The following PRKN variants were observed in gnomAD, a reference collection of about 807,000 sequenced individuals.
PRKN encodes the protein parkin RBR E3 ubiquitin protein ligase.
In PRKN, 56 loss-of-function variants were observed where a neutral mutation model predicts 59.5. The ratio of observed to expected loss-of-function variants is 0.94; its 90% CI spans 0.76 to 1.18. PRKN has a LOEUF of 1.18. Among genes scored for constraint, PRKN ranks in the 50% most tolerant of loss-of-function variants. The probability of loss-of-function intolerance (pLI) is 0.00; values close to 1 mark genes in which losing one functional copy is unlikely to be tolerated. For synonymous variants in PRKN, 250 were observed against 222.1 expected, an observed-to-expected ratio of 1.13 and a Z score of -1.12; for missense variants, 657 against 596.4, an observed-to-expected ratio of 1.10 and a Z score of -1.06.
chr6:161,927,280 T>TTCG (rs1338827794), intron 6 of PRKN, among the ~76,000 whole-genome samples: 1 of 152,182 alleles, frequency 6.6e-6, no homozygotes, highest in African/African-American at 2.4e-5. Flanking sequence ...TCTGAAGAAC[T>TTCG]ACGAAGGAGC....
chr6:162,491,896 G>A (rs1792833437), intron 1 of PRKN, among the ~76,000 whole-genome samples: 1 of 152,150 alleles, frequency 6.6e-6, no homozygotes, highest in Admixed American at 6.5e-5. Flanking sequence ...GAAATAAACT[G>A]CTGCTGAGAA....
chr6:162,117,197 T>C (rs977039199), intron 4 of PRKN, among the ~76,000 whole-genome samples: 2 of 152,188 alleles, frequency 1.3e-5, no homozygotes, highest in Admixed American at 1.3e-4. Context: ...TTAAAATAGA[T>C]AATGAAGAAT....
intron 1 of PRKN, among the ~76,000 whole-genome samples, chr6:162,616,503 A>C (rs908079625): frequency 1.3e-5 from 2 of 152,150 alleles, no homozygotes; most frequent in Non-Finnish European, 2.9e-5. Context: ...GTAAGCATAT[A>C]ATTGTTGCAT....
chr6:161,534,485 G>A (rs925277097), intron 9 of PRKN, among the ~76,000 whole-genome samples: 1 of 152,186 alleles, frequency 6.6e-6, no homozygotes, highest in African/African-American at 2.4e-5. Context: ...TCCACGTGTG[G>A]GCAAGTGGTA....
intron 1 of PRKN, among the ~76,000 whole-genome samples, chr6:162,461,270 G>A (rs1326562329): frequency 6.6e-6 from 1 of 151,792 alleles, no homozygotes; most frequent in African/African-American, 2.4e-5. Context: ...AGGAGGCCGA[G>A]GCGGGAGGAT....
At chr6:161,895,740 CTCTTTTT>C (rs1777602825) in intron 6 of PRKN, among the ~76,000 whole-genome samples, 2 of 151,632 alleles carry the variant, frequency 1.3e-5, no homozygotes, top group East Asian at 2.0e-4. Context: ...TGCCGTTATG[CTCTTTTT>C]CACCCGTAGT....
At chr6:161,689,185 TACACACACAC>T (rs34193135) in intron 7 of PRKN, among the ~76,000 whole-genome samples, 3,842 of 144,260 alleles carry the variant, frequency 0.027, 116 homozygotes, top group African/African-American at 0.07. Flanking sequence ...AATTAAATTG[TACACACACAC>T]ACACACACAC....
At chr6:162,149,610 T>C (rs1206631262) in intron 4 of PRKN, among the ~76,000 whole-genome samples, 1 of 152,116 alleles carries the variant, frequency 6.6e-6, no homozygotes, top group Non-Finnish European at 1.5e-5. Context: ...CATCCTGTAC[T>C]GTTAAGAGCA....
intron 7 of PRKN, among the ~76,000 whole-genome samples, chr6:161,641,731 T>A (rs939333603): frequency 3.9e-5 from 6 of 152,224 alleles, no homozygotes; most frequent in Non-Finnish European, 8.8e-5. Flanking sequence ...ATATTTTGCA[T>A]CATATTCAGA....
intron 3 of PRKN, among the ~76,000 whole-genome samples, chr6:162,222,415 G>A (rs777176645): frequency 2.0e-5 from 3 of 152,134 alleles, no homozygotes; most frequent in Non-Finnish European, 2.9e-5. Context: ...GCTTCCGACC[G>A]CTTTGAAGAT....
At chr6:162,181,274 A>G (rs1783793262) in intron 4 of PRKN, among the ~76,000 whole-genome samples, 1 of 152,238 alleles carries the variant, frequency 6.6e-6, no homozygotes, top group Non-Finnish European at 1.5e-5. Flanking sequence ...AGGAAAGGGA[A>G]GTGGGATTAA....
At chr6:161,812,690 TC>T (rs112837837) in intron 6 of PRKN, among the ~76,000 whole-genome samples, 8 of 152,296 alleles carry the variant, frequency 5.3e-5, no homozygotes, top group African/African-American at 1.9e-4. Context: ...TAAGATATTA[TC>T]ATGCACCTAC....
chr6:162,130,675 T>C (rs989707116), intron 4 of PRKN, among the ~76,000 whole-genome samples: 1 of 152,200 alleles, frequency 6.6e-6, no homozygotes, highest in Non-Finnish European at 1.5e-5. Context: ...CTATCCATCA[T>C]ACAGGAAGCT....
At chr6:161,961,695 GAAACGCA>G (rs1780385360) in intron 6 of PRKN, among the ~76,000 whole-genome samples, 1 of 152,162 alleles carries the variant, frequency 6.6e-6, no homozygotes, top group Non-Finnish European at 1.5e-5. Context: ...GGCTTGATCA[GAAACGCA>G]AGGTTTTATC....
chr6:162,569,516 A>G (rs916158948), intron 1 of PRKN: 4 of 704,784 alleles, frequency 5.7e-6, no homozygotes, highest in Non-Finnish European at 1.1e-5. Context: ...TATCCATACA[A>G]AGACCACCAG....
chr6:162,158,761 C>T (rs993987493), intron 4 of PRKN, among the ~76,000 whole-genome samples: 9 of 151,920 alleles, frequency 5.9e-5, no homozygotes, highest in Non-Finnish European at 1.3e-4. Flanking sequence ...CTTCCTATTC[C>T]TTTCTTTCCT....
intron 1 of PRKN, among the ~76,000 whole-genome samples, chr6:162,630,440 C>T (rs1285760672): frequency 1.3e-5 from 2 of 152,102 alleles, no homozygotes; most frequent in Non-Finnish European, 2.9e-5. Flanking sequence ...TGCCTGATTA[C>T]AAGCAGCCAT....
At chr6:162,691,341 A>G (rs1444101473) in intron 1 of PRKN, among the ~76,000 whole-genome samples, 1 of 152,224 alleles carries the variant, frequency 6.6e-6, no homozygotes, top group East Asian at 1.9e-4. Context: ...AGTTAAAAAT[A>G]CATTACACCA....
At chr6:161,920,111 T>C (rs1005987377) in intron 6 of PRKN, among the ~76,000 whole-genome samples, 4 of 152,168 alleles carry the variant, frequency 2.6e-5, no homozygotes, top group Non-Finnish European at 5.9e-5. Flanking sequence ...CGGCTGGGCG[T>C]GCTGGTTCAC....
Sources: allele counts gnomAD v4.1 joint callset (sites outside exome capture counted in the v4.1 genomes callset), GRCh38; gene constraint gnomAD v4.1.1; transcripts MANE v1.5; gene names NCBI Gene and HGNC (gene_info 2026-07-23, HGNC 2026-07-21).